The following DRC10 variants were observed in gnomAD, a reference collection of about 807,000 sequenced individuals.
The protein encoded by DRC10 is IQ domain-containing protein D.
chr12:113,207,419 C>G, the DRC10 span: 1 of 1,579,164 alleles, frequency 6.3e-7, no homozygotes, highest in South Asian at 1.1e-5. Flanking sequence ...GTAATTTCAG[C>G]AATACTATGA....
the DRC10 span, chr12:113,195,770 G>A: frequency 6.2e-7 from 1 of 1,613,910 alleles, no homozygotes; most frequent in South Asian, 1.1e-5. Flanking sequence ...TCTTGGAGTT[G>A]ATCTCCCGCT....
At chr12:113,196,707 TCCAGTGCTCC>T in the DRC10 span, among the ~76,000 whole-genome samples, 1 of 152,208 alleles carries the variant, frequency 6.6e-6, no homozygotes, top group Admixed American at 6.5e-5. Context: ...TCCAGTGCTC[TCCAGTGCTCC>T]CCAGTCCTCC....
At chr12:113,197,188 C>G in the DRC10 span, among the ~76,000 whole-genome samples, 25 of 139,000 alleles carry the variant, frequency 1.8e-4, no homozygotes, top group African/African-American at 6.4e-4. Context: ...TCTAGCCAGT[C>G]GCTTTTTTTT....
At chr12:113,203,413 A>G in the DRC10 span, among the ~76,000 whole-genome samples, 1 of 152,002 alleles carries the variant, frequency 6.6e-6, no homozygotes, top group Non-Finnish European at 1.5e-5. Flanking sequence ...CCTTGAAGCT[A>G]GGAGTTTAAG....
the DRC10 span, chr12:113,197,653 T>A: frequency 7.7e-7 from 1 of 1,292,348 alleles, no homozygotes; most frequent in Non-Finnish European, 1.1e-6. Context: ...TGGAATATAT[T>A]AACAATCAAC....
the DRC10 span, among the ~76,000 whole-genome samples, chr12:113,219,887 C>T: frequency 1.3e-5 from 2 of 152,176 alleles, no homozygotes; most frequent in Admixed American, 1.3e-4. Flanking sequence ...CGGCTCGCTG[C>T]AACCTCCACC....
chr12:113,197,743 T>C, the DRC10 span: 2 of 659,084 alleles, frequency 3.0e-6, no homozygotes, highest in Admixed American at 4.5e-5. Context: ...GGTTCCCTTT[T>C]CTCCATTTCA....
At chr12:113,197,619 A>T in the DRC10 span, 1 of 1,507,886 alleles carries the variant, frequency 6.6e-7, no homozygotes, top group Non-Finnish European at 8.9e-7. Context: ...TCTTCTAGAA[A>T]AGATCCAATT....
chr12:113,220,982 C>T, the DRC10 span: 1 of 358,418 alleles, frequency 2.8e-6, no homozygotes. Flanking sequence ...GACCCTTTCC[C>T]AACTGGCTAC....
At chr12:113,203,925 C>A in the DRC10 span, among the ~76,000 whole-genome samples, 2 of 151,586 alleles carry the variant, frequency 1.3e-5, no homozygotes, top group Non-Finnish European at 2.9e-5. Context: ...TCCAGCCAGA[C>A]ACCCCATCTC....
chr12:113,195,895 G>A, the DRC10 span: 1 of 1,595,106 alleles, frequency 6.3e-7, no homozygotes, highest in African/African-American at 1.3e-5. Flanking sequence ...TCCTCCTGGG[G>A]TGAGGGGTGG....
the DRC10 span, among the ~76,000 whole-genome samples, chr12:113,201,842 C>A: frequency 6.6e-6 from 1 of 152,240 alleles, no homozygotes; most frequent in African/African-American, 2.4e-5. Flanking sequence ...GCAAGCCCAT[C>A]CTGCAGGCAA....
chr12:113,220,555 A>C, the DRC10 span, among the ~76,000 whole-genome samples: 9 of 152,094 alleles, frequency 5.9e-5, no homozygotes, highest in East Asian at 3.8e-4. Context: ...TGCTCGGCAA[A>C]AACAACAACA....
chr12:113,207,741 T>A, the DRC10 span: 2 of 1,614,154 alleles, frequency 1.2e-6, no homozygotes, highest in Admixed American at 1.7e-5. Context: ...GCATAAGTGG[T>A]GAGAGGCTGG....
chr12:113,207,442 G>A, the DRC10 span: 4 of 1,607,922 alleles, frequency 2.5e-6, no homozygotes, highest in Admixed American at 1.7e-5. Flanking sequence ...CAATACCTCT[G>A]CATTCCTGTT....
chr12:113,216,564 T>C, the DRC10 span, among the ~76,000 whole-genome samples: 1 of 152,152 alleles, frequency 6.6e-6, no homozygotes, highest in Non-Finnish European at 1.5e-5. Flanking sequence ...TCAATGTAGG[T>C]TCATCAACTG....
chr12:113,197,634 A>C, the DRC10 span: 1 of 1,437,790 alleles, frequency 7.0e-7, no homozygotes. Context: ...CCAATTTGTC[A>C]TTGTTTGATG....
chr12:113,213,653 C>G, the DRC10 span, among the ~76,000 whole-genome samples: 2 of 152,304 alleles, frequency 1.3e-5, no homozygotes, highest in East Asian at 3.9e-4. Flanking sequence ...TCTGTCCAGT[C>G]TCTTGATTTT....
chr12:113,195,858 C>G, the DRC10 span: 4 of 1,612,570 alleles, frequency 2.5e-6, no homozygotes, highest in South Asian at 4.4e-5. Context: ...CTTCTCCTCC[C>G]TGTGAACAGC....
Sources: gnomAD v4.1 joint callset for allele counts (sites outside exome capture counted in the v4.1 genomes callset) on GRCh38, gnomAD v4.1.1 for gene constraint, MANE v1.5 for transcripts, NCBI Gene and HGNC (gene_info 2026-07-23, HGNC 2026-07-21) for gene names.